Variants in HLCS observed in about 807,000 individuals in gnomAD.
HLCS encodes the protein biotin--protein ligase.
A neutral mutation model predicts 75.0 loss-of-function variants in HLCS; 53 were observed. That is an observed-to-expected ratio of 0.71 (90% CI 0.57 to 0.89). HLCS has a LOEUF of 0.89. Among genes scored for constraint, HLCS ranks in the 40% least tolerant of loss-of-function variants. The pLI is 0.00. For synonymous variants in HLCS, 431 were observed against 428.6 expected, an observed-to-expected ratio of 1.01 and a Z score of -0.07; for missense variants, 966 against 1,074.0, an observed-to-expected ratio of 0.90 and a Z score of 1.41.
intron 6 of HLCS, among the ~76,000 whole-genome samples, chr21:36,774,320 A>T (rs1442608037): frequency 6.6e-6 from 1 of 152,196 alleles, no homozygotes; most frequent in Non-Finnish European, 1.5e-5. Flanking sequence ...AGCAGAGTGG[A>T]GACTCAGACA....
chr21:36,962,202 G>T, intron 1 of HLCS, 32 bp from the exon 2 acceptor site: 1 of 1,251,410 alleles, frequency 8.0e-7, no homozygotes, highest in Non-Finnish European at 1.0e-6. Flanking sequence ...TAATGAGATT[G>T]TCACTTCATA....
chr21:36,983,467 T>C (rs914577270), intron 1 of HLCS, among the ~76,000 whole-genome samples: 1 of 151,524 alleles, frequency 6.6e-6, no homozygotes, highest in Admixed American at 6.6e-5. Context: ...CACCTCGACC[T>C]CCCAAAGTGC....
chr21:36,805,135 GACGACATAAGTA>G lies in HLCS; in HGVS notation c.1893-37862_1893-37851del, dbSNP rs566038434. Among the ~76,000 whole-genome samples, 25 of 152,302 alleles carry G rather than the reference GACGACATAAGTA, an allele frequency of 1.6e-4. No homozygotes were observed. In the East Asian group the frequency reaches 4.8e-3, roughly 29 times the overall value. On this transcript the variant is annotated intron_variant, in intron 6 of 10. Transcript: ENST00000674895. Reference sequence around the variant, plus strand: ...TAGCCCTAGGCGATGCCAGAAACATGACGACATAAGTAATACTTTTTTTAATAGCAAAGAAAG... The same window carrying G: ...TAGCCCTAGGCGATGCCAGAAACATGATACTTTTTTTAATAGCAAAGAAAG...
At chr21:36,781,381 T>C (rs892893086) in intron 6 of HLCS, among the ~76,000 whole-genome samples, 1 of 152,160 alleles carries the variant, frequency 6.6e-6, no homozygotes, top group Non-Finnish European at 1.5e-5. Context: ...GAGCAAAGGA[T>C]GACTTACATT....
chr21:36,930,491 C>G, intron 4 of HLCS, 58 bp from the exon 5 acceptor site: 1 of 1,358,802 alleles, frequency 7.4e-7, no homozygotes, highest in Non-Finnish European at 1.0e-6. Flanking sequence ...ATGAGAAAAA[C>G]AGTTTCTTTT....
rs972491275 is a variant in HLCS, at chr21:36,750,161, C to T, written c.*4085G>A. 2.6e-5 allele frequency among the ~76,000 whole-genome samples: 4 copies of T among 152,182 alleles called. No homozygotes were observed. Among genetic ancestry groups the T allele is most frequent in the African/African-American group, 7.2e-5 (3 of 41,438 alleles). ...TTAAGCTGGGGATAGCGTTTCTTGA[C>T]TTCTGTGAGGCTCCGGCAGGGGAAG... On this transcript the variant is annotated 3_prime_UTR_variant, in exon 11 of 11. Coordinates refer to ENST00000674895, the MANE Select transcript of HLCS (RefSeq NM_001352514.2).
At position 36,751,020 on chromosome 21, in the gene HLCS, A is replaced by C. The variant is rs1186939959; in HGVS notation, c.*3226T>G. 1 of 123,394 alleles carries C rather than the reference A, an allele frequency of 8.1e-6. No individual in the cohort carries two copies. The highest frequency in any genetic ancestry group is 1.8e-5 in the Non-Finnish European group (1 of 56,326). The allele number at this position is 123,394 out of a possible 1,614,324, so 7.6% of individuals were successfully genotyped here. A position where few individuals can be genotyped will look rare whatever the true frequency, so the allele number is the denominator to read the frequency against. Reference sequence around the variant, plus strand: ...TGAATACATTTGTCAATAATACGTCAAAAAAAAAAACACTTGGCTTCTTAA... The same window carrying C: ...TGAATACATTTGTCAATAATACGTCCAAAAAAAAAACACTTGGCTTCTTAA... On this transcript the variant is annotated 3_prime_UTR_variant, in exon 11 of 11. Coordinates refer to ENST00000674895, the MANE Select transcript of HLCS (RefSeq NM_001352514.2).
rs750728042 is a variant in HLCS at position 36,897,133 on chromosome 21, T to C, written c.1621-2A>G. 1.9e-6 allele frequency: 3 copies of C among 1,614,006 alleles called. No homozygotes were observed. The Admixed American group carries it at 5.0e-5, about 27-fold the overall frequency. ...CTGCATAAGAGGATCCCTGATTTCC[T>C]GTGTCATAAAGAAAGAAATGAGATG... is the stretch of plus-strand genomic sequence containing the variant. On this transcript the variant is annotated splice_acceptor_variant, in intron 5 of 10. Transcript: ENST00000674895. LOFTEE classifies it high-confidence loss of function.
At chr21:36,775,126 G>T (rs1228651885) in intron 6 of HLCS, among the ~76,000 whole-genome samples, 1 of 152,192 alleles carries the variant, frequency 6.6e-6, no homozygotes, top group African/African-American at 2.4e-5. Context: ...AGATGCCTGT[G>T]GGTCAGGCCC....
chr21:36,836,065 AC>A (rs2062401082), intron 6 of HLCS, among the ~76,000 whole-genome samples: 1 of 151,888 alleles, frequency 6.6e-6, no homozygotes, highest in South Asian at 2.1e-4. Context: ...CCACGTCCGA[AC>A]CTTCATTCTT....
intron 6 of HLCS, among the ~76,000 whole-genome samples, chr21:36,858,768 G>A (rs1049916055): frequency 6.6e-6 from 1 of 152,208 alleles, no homozygotes; most frequent in African/African-American, 2.4e-5. Context: ...CAGGGAGCAG[G>A]CCATGCAGCT....
intron 1 of HLCS, among the ~76,000 whole-genome samples, chr21:36,985,906 T>C (rs917974372): frequency 2.0e-5 from 3 of 152,228 alleles, no homozygotes; most frequent in Admixed American, 2.0e-4. Context: ...GCTGACTTTG[T>C]TCACATGGTT....
intron 6 of HLCS, among the ~76,000 whole-genome samples, chr21:36,812,642 T>C (rs2061546046): frequency 6.6e-6 from 1 of 152,108 alleles, no homozygotes; most frequent in South Asian, 2.1e-4. Context: ...ATTTAGTATG[T>C]TGAAAACTGA....
At chr21:36,810,739 T>C (rs1239916525) in intron 6 of HLCS, among the ~76,000 whole-genome samples, 1 of 152,200 alleles carries the variant, frequency 6.6e-6, no homozygotes, top group Non-Finnish European at 1.5e-5. Flanking sequence ...CATTCCCCAC[T>C]AAAAGGAACC....
At chr21:36,843,581 T>C (rs2146105379) in intron 6 of HLCS, among the ~76,000 whole-genome samples, 1 of 152,350 alleles carries the variant, frequency 6.6e-6, no homozygotes, top group South Asian at 2.1e-4. Flanking sequence ...CAGAATTTTC[T>C]AATTAGGCAT....
intron 2 of HLCS, among the ~76,000 whole-genome samples, chr21:36,941,104 C>A (rs1317500656): frequency 3.9e-5 from 6 of 152,174 alleles, no homozygotes. Flanking sequence ...CCCAGCTATT[C>A]AGGAGGCTGA....
chr21:36,785,176 C>T (rs2060649975), intron 6 of HLCS, among the ~76,000 whole-genome samples: 1 of 152,010 alleles, frequency 6.6e-6, no homozygotes, highest in Non-Finnish European at 1.5e-5. Context: ...TCTCTCGGCT[C>T]CCACCTCTCT....
intron 2 of HLCS, among the ~76,000 whole-genome samples, chr21:36,960,093 T>C (rs1053618563): frequency 1.3e-5 from 2 of 148,304 alleles, no homozygotes; most frequent in East Asian, 2.0e-4. Context: ...CCTCATTCAG[T>C]ACACCTGGTC....
At chr21:36,924,581 C>T (rs540992538) in intron 5 of HLCS, among the ~76,000 whole-genome samples, 105 of 152,142 alleles carry the variant, frequency 6.9e-4, no homozygotes, top group Middle Eastern at 3.4e-3. Context: ...ACAACAGAAA[C>T]GAAAAATACA....
Sources: gnomAD v4.1 joint callset for allele counts (sites outside exome capture counted in the v4.1 genomes callset) on GRCh38, gnomAD v4.1.1 for gene constraint, MANE v1.5 for transcripts, NCBI Gene and HGNC (gene_info 2026-07-23, HGNC 2026-07-21) for gene names.